Variants in CEBPZ observed in about 807,000 individuals in gnomAD.
CEBPZ encodes the protein CCAAT/enhancer-binding protein zeta.
A neutral mutation model predicts 104.5 loss-of-function variants in CEBPZ; 78 were observed. The observed-to-expected ratio is 0.75, with a 90% CI of 0.62 to 0.90. CEBPZ has a LOEUF of 0.90. Among genes scored for constraint, CEBPZ ranks in the 40% least tolerant of loss-of-function variants. The pLI, the probability that CEBPZ is intolerant of heterozygous loss-of-function variation, is 0.00. For missense variants in CEBPZ, 1,439 were observed against 1,233.5 expected (o/e 1.17, Z -2.50); for synonymous variants, 470 against 427.0 (o/e 1.10, Z -1.24).
At chr2:37,203,826 T>C (rs746563026) in intron 13 of CEBPZ, 3 of 152,232 alleles carry the variant, frequency 2.0e-5, no homozygotes, top group Non-Finnish European at 4.4e-5. Context: ...ATCTGACTTT[T>C]TTCATTTAGC....
intron 1 of CEBPZ, among the ~76,000 whole-genome samples, chr2:37,230,648 G>A (rs931765566): frequency 7.9e-5 from 12 of 152,116 alleles, no homozygotes; most frequent in African/African-American, 2.7e-4. Flanking sequence ...CAAACTCAGA[G>A]CAAAAGCCTG....
In CEBPZ at chr2:37,202,955, C is replaced by T. The variant is rs1197984914; in HGVS notation, c.2938G>A (p.Glu980Lys). Reference protein sequence around the residue: ...LNDSSLFVSAEEFGHLLDENM... With the variant: ...LNDSSLFVSAKEFGHLLDENM... ...AAACAGTACATTAGCCTTACCTCTT[C>T]AGCAGATACAAATAGGCTGGAATCA... The change falls in exon 14 of 16, where the codon GAA becomes AAA. Residue 980 changes from glutamate to lysine, a missense_variant. Coordinates refer to ENST00000234170, the MANE Select transcript of CEBPZ (RefSeq NM_005760.3). 18 of 1,578,924 alleles carry T rather than the reference C, an allele frequency of 1.1e-5. No individual in the cohort carries two copies. Among genetic ancestry groups the T allele is most frequent in the Non-Finnish European group, 1.5e-5 (18 of 1,165,226 alleles).
chr2:37,225,318 T>C (rs1322775675), intron 2 of CEBPZ, among the ~76,000 whole-genome samples: 1 of 152,146 alleles, frequency 6.6e-6, no homozygotes, highest in Non-Finnish European at 1.5e-5. Flanking sequence ...TATCTCACAG[T>C]GTGGGGAAAA....
In CEBPZ at chr2:37,223,453, CCAATGGT is replaced by C; in HGVS notation, c.1650-59_1650-53del. On this transcript the variant is annotated intron_variant, in intron 2 of 15. Transcript: ENST00000234170. ...TTTATGTATAAAACCATCTCCACAA[CCAATGGT>C]CACATATTAGAAATAGCTACTAACC... is the stretch of plus-strand genomic sequence containing the variant. The C allele has an allele frequency of 2.0e-6, 3 of 1,464,142 alleles. No homozygotes were observed. The South Asian group carries it at 3.5e-5, about 17-fold the overall frequency. 90.7% of individuals were successfully genotyped at this position (1,464,142 alleles called of 1,614,324 possible).
chr2:37,220,543 C>G (rs531703964), intron 4 of CEBPZ, 70 bp from the exon 5 acceptor site: 1 of 728,760 alleles, frequency 1.4e-6, no homozygotes, highest in African/African-American at 1.8e-5. Context: ...TTAAAAGCAC[C>G]ACCATTAATA....
chr2:37,227,834 T>A lies in CEBPZ; in HGVS notation c.1359A>T (p.Glu453Asp). 1 of 1,614,156 alleles carries A rather than the reference T, an allele frequency of 6.2e-7. No homozygotes were observed. The highest frequency in any genetic ancestry group is 1.1e-5 in the South Asian group (1 of 91,084). ...TTAATTTGTTAGCCAATTCACTTTC[T>A]TCATGGGACAGAGCCATTTGATTTA... ...CFLNQMALSH[E>D]ESELANKLIT... The change falls in exon 2 of 16, where the codon GAA becomes GAT. Residue 453 changes from glutamate to aspartate, a missense_variant. Glu to Asp is a conservative substitution (Grantham distance 45). Transcript: ENST00000234170.
At chr2:37,230,434 T>A (rs903361467) in intron 1 of CEBPZ, among the ~76,000 whole-genome samples, 4 of 152,214 alleles carry the variant, frequency 2.6e-5, no homozygotes, top group African/African-American at 9.7e-5. Context: ...TCACTATGTA[T>A]CTTTTAAAGT....
chr2:37,202,652 A>C, intron 15 of CEBPZ, 132 bp downstream of exon 15: 1 of 19,816 alleles, frequency 5.0e-5, no homozygotes, highest in Non-Finnish European at 9.1e-5. Flanking sequence ...CTCAAAAAAA[A>C]AAAAAAAAAA....
At chr2:37,210,071 T>G (rs938704320) in intron 13 of CEBPZ, 9 of 152,174 alleles carry the variant, frequency 5.9e-5, no homozygotes, top group African/African-American at 2.2e-4. Context: ...AAAGCCACAG[T>G]GCAATACCAC....
intron 13 of CEBPZ, 62 bp from the exon 14 acceptor site, chr2:37,203,070 A>G (rs988331838): frequency 7.2e-5 from 79 of 1,102,606 alleles, no homozygotes; most frequent in East Asian, 3.1e-4. Context: ...GAAAAATGCA[A>G]TGCAACATGA....
chr2:37,217,758 C>T (rs1036899611), intron 5 of CEBPZ, among the ~76,000 whole-genome samples: 8 of 150,150 alleles, frequency 5.3e-5, no homozygotes, highest in South Asian at 2.1e-4. Flanking sequence ...AAAAATTAGC[C>T]GGGCGTGGTG....
Position 37,201,639 on chromosome 2 carries a change from T to C in CEBPZ, c.*125A>G, listed in dbSNP as rs780127283. 4.2e-6 allele frequency: 3 copies of C among 719,194 alleles called. No individual in the cohort carries two copies. Among genetic ancestry groups the C allele is most frequent in the East Asian group, 5.4e-5 (2 of 37,118 alleles). 44.6% of individuals were successfully genotyped at this position (719,194 alleles called of 1,614,324 possible). Reference sequence around the variant, plus strand: ...TATAAATGAGAGCTATTTTTATTTATAGTTTATTACAAATCCACTGAGAAG... The same window carrying C: ...TATAAATGAGAGCTATTTTTATTTACAGTTTATTACAAATCCACTGAGAAG... On this transcript the variant is annotated 3_prime_UTR_variant, in exon 16 of 16. Coordinates refer to ENST00000234170, the MANE Select transcript of CEBPZ (RefSeq NM_005760.3).
chr2:37,212,262 G>T, intron 11 of CEBPZ, 73 bp downstream of exon 11: 1 of 1,310,522 alleles, frequency 7.6e-7, no homozygotes, highest in South Asian at 1.2e-5. Context: ...ATAGTTCTGT[G>T]GTCTACTGTT....
intron 13 of CEBPZ, among the ~76,000 whole-genome samples, chr2:37,208,694 C>T (rs1170003809): frequency 2.0e-5 from 3 of 152,016 alleles, no homozygotes; most frequent in Non-Finnish European, 2.9e-5. Context: ...TTATACTGAA[C>T]AGGGAAAAGT....
In CEBPZ at chr2:37,202,818, A is replaced by G; in HGVS notation, c.2991T>C (p.Ile997=). 1 of 1,599,474 alleles carries G rather than the reference A, an allele frequency of 6.3e-7. No homozygotes were observed. The highest frequency in any genetic ancestry group is 8.5e-7 in the Non-Finnish European group (1 of 1,173,468). ...DENMGSKFDN[I]GMNAMANKDN... Reference sequence around the variant, plus strand: ...CTTTGTTAGCCATGGCATTCATGCCAATGTTATCAAACTTGGATCCCATAT... The same window carrying G: ...CTTTGTTAGCCATGGCATTCATGCCGATGTTATCAAACTTGGATCCCATAT... Residue 997 remains isoleucine (I), a synonymous_variant, in exon 15 of 16, where the codon ATT becomes ATC. Coordinates refer to ENST00000234170, the MANE Select transcript of CEBPZ (RefSeq NM_005760.3).
In CEBPZ at chr2:37,212,017, C is replaced by T. The variant is rs1249092752; in HGVS notation, c.2626G>A (p.Gly876Arg). Residue 876 changes from glycine to arginine, a missense_variant, in exon 12 of 16, where the codon GGA (glycine) becomes AGA (arginine). By Grantham distance (125) the Gly-to-Arg change is moderately radical. Coordinates refer to ENST00000234170, the MANE Select transcript of CEBPZ (RefSeq NM_005760.3). ...TCATCTAATGTGTTATCCTTAGCTC[C>T]TTTTGTTCTCTTTTTCACGTTTCTG... Reference protein sequence around the residue: ...FAGNVKKRTKGAKDNTLDEDS... With the variant: ...FAGNVKKRTKRAKDNTLDEDS... 1 of 1,582,910 alleles carries T rather than the reference C, an allele frequency of 6.3e-7. No homozygotes were observed. The highest frequency in any genetic ancestry group is 1.4e-5 in the African/African-American group (1 of 72,904).
chr2:37,229,960 C>T (rs949843108), intron 1 of CEBPZ, among the ~76,000 whole-genome samples: 7 of 152,104 alleles, frequency 4.6e-5, no homozygotes, highest in Non-Finnish European at 1.0e-4. Flanking sequence ...TCCCAAAGTG[C>T]TGGGATTATG....
chr2:37,227,762 A>T lies in CEBPZ; in HGVS notation c.1431T>A (p.Asp477Glu). 1.2e-6 allele frequency: 2 copies of T among 1,613,804 alleles called. No individual in the cohort carries two copies. Among genetic ancestry groups the T allele is most frequent in the Non-Finnish European group, 1.7e-6 (2 of 1,179,940 alleles). Residue 477 changes from aspartate to glutamate, a missense_variant, in exon 2 of 16, where the codon GAT becomes GAA. Asp to Glu is a conservative substitution (Grantham distance 45). Coordinates refer to ENST00000234170, the MANE Select transcript of CEBPZ (RefSeq NM_005760.3). ...GGGCGCTAAGCATTTTTGATTCAACATCTTTTTTTTTGACACAAGTCCGAA... is the reference window on the plus strand; with the variant it reads ...GGGCGCTAAGCATTTTTGATTCAACTTCTTTTTTTTTGACACAAGTCCGAA... ...CFFRTCVKKKDVESKMLSALL... is the reference protein window; with the variant it reads ...CFFRTCVKKKEVESKMLSALL...
Position 37,227,899 on chromosome 2 carries a change from T to C in CEBPZ, c.1294A>G (p.Asn432Asp), listed in dbSNP as rs771042766. 12 of 1,614,084 alleles carry C rather than the reference T, an allele frequency of 7.4e-6. No homozygotes were observed. Among genetic ancestry groups the C allele is most frequent in the African/African-American group, 1.3e-5 (1 of 74,942 alleles). ...GEVERLLFRSNISSKAQYYAI... is the reference protein window; with the variant it reads ...GEVERLLFRSDISSKAQYYAI... ...TAATATTGAGCTTTGGAGCTGATAT[T>C]TGAGCGGAAGAGTAGCCTTTCTACT... Residue 432 changes from asparagine to aspartate, a missense_variant, in exon 2 of 16, where the codon AAT becomes GAT. Asn to Asp is a conservative substitution (Grantham distance 23). Coordinates refer to ENST00000234170, the MANE Select transcript of CEBPZ (RefSeq NM_005760.3).
Sources: gnomAD v4.1 joint callset for allele counts (sites outside exome capture counted in the v4.1 genomes callset) on GRCh38, gnomAD v4.1.1 for gene constraint, MANE v1.5 for transcripts, NCBI Gene and HGNC (gene_info 2026-07-23, HGNC 2026-07-21) for gene names.